The following VPS41 variants were observed in gnomAD, a reference collection of about 807,000 sequenced individuals.
VPS41 encodes VPS41 subunit of HOPS complex.
A neutral mutation model predicts 130.9 loss-of-function variants in VPS41; 85 were observed. That is an observed-to-expected ratio of 0.65 (90% confidence interval 0.55 to 0.78). The LOEUF is 0.78. Ranked by LOEUF, VPS41 falls within the 30% of genes least tolerant of loss-of-function variation. VPS41 has a pLI of 0.00. For missense variants in VPS41, 874 were observed against 1,018.7 expected (o/e 0.86, Z 1.93); for synonymous variants, 335 against 332.9 (o/e 1.01, Z -0.07).
intron 2 of VPS41, among the ~76,000 whole-genome samples, chr7:38,891,229 A>G (rs1340119314): frequency 1.3e-5 from 2 of 152,190 alleles, no homozygotes; most frequent in Non-Finnish European, 2.9e-5. Context: ...GACACCTATA[A>G]TATGTATAAA....
intron 14 of VPS41, among the ~76,000 whole-genome samples, chr7:38,768,814 T>C (rs1044084902): frequency 2.6e-5 from 4 of 152,148 alleles, no homozygotes; most frequent in African/African-American, 9.7e-5. Flanking sequence ...CTTCCTTTTA[T>C]ATCAACCTTT....
rs531252921 is a variant in VPS41, at chr7:38,743,069, G to A, written c.2122+333C>T. The stretch of plus-strand genomic sequence containing the variant: ...AAACTATAAACACTCCCATATACAA[G>A]CTAAAAACAAAAAAAAACCACACCA... On this transcript the variant is annotated intron_variant, in intron 24 of 28. Transcript: ENST00000310301. Among the ~76,000 whole-genome samples the A allele has an allele frequency of 1.1e-4, 5 of 46,316 alleles. No homozygotes were observed. The South Asian group carries it at 3.2e-3, about 30-fold the overall frequency. The allele number at this position is 46,316 out of a possible 152,430, so 30.4% of individuals were successfully genotyped here.
chr7:38,757,109 A>C, intron 18 of VPS41, 127 bp from the exon 19 acceptor site: 1 of 719,228 alleles, frequency 1.4e-6, no homozygotes, highest in Non-Finnish European at 2.2e-6. Flanking sequence ...ACTTTATTTC[A>C]AAAAATATTC....
At chr7:38,880,527 T>C (rs1026422871) in intron 2 of VPS41, among the ~76,000 whole-genome samples, 1 of 152,162 alleles carries the variant, frequency 6.6e-6, no homozygotes, top group Non-Finnish European at 1.5e-5. Context: ...TCACTGGTGA[T>C]GGAAATGATG....
chr7:38,867,154 A>G (rs1017455319), intron 3 of VPS41, among the ~76,000 whole-genome samples: 1 of 152,238 alleles, frequency 6.6e-6, no homozygotes, highest in Non-Finnish European at 1.5e-5. Flanking sequence ...ACTTGGAGGT[A>G]GCATTAGGTA....
chr7:38,832,185 C>T (rs1278522555), intron 4 of VPS41, among the ~76,000 whole-genome samples: 1 of 151,658 alleles, frequency 6.6e-6, no homozygotes, highest in Non-Finnish European at 1.5e-5. Flanking sequence ...TATAAGAGCT[C>T]TTTTCTATTT....
intron 4 of VPS41, among the ~76,000 whole-genome samples, chr7:38,846,380 A>G (rs1785723895): frequency 9.0e-6 from 1 of 110,596 alleles, no homozygotes; most frequent in Non-Finnish European, 1.7e-5. Context: ...TGAATACCAA[A>G]CACATACTCT....
At chr7:38,838,486 A>G (rs780009108) in intron 4 of VPS41, among the ~76,000 whole-genome samples, 1 of 152,244 alleles carries the variant, frequency 6.6e-6, no homozygotes, top group African/African-American at 2.4e-5. Flanking sequence ...AAATGGCCTC[A>G]GCTGTATTTT....
At chr7:38,813,319 T>G (rs972790051) in intron 7 of VPS41, among the ~76,000 whole-genome samples, 1 of 151,980 alleles carries the variant, frequency 6.6e-6, no homozygotes, top group Non-Finnish European at 1.5e-5. Context: ...GGAAAACTTA[T>G]AGAGAAAGAA....
intron 2 of VPS41, among the ~76,000 whole-genome samples, chr7:38,870,739 C>CAAAAAAAAAAAAAA (rs70977434): frequency 7.7e-4 from 23 of 29,724 alleles, no homozygotes; most frequent in East Asian, 2.1e-3. Context: ...ACTATATGTT[C>CAAAAAAAAAAAAAA]AAAAAAAAAA....
intron 4 of VPS41, among the ~76,000 whole-genome samples, chr7:38,832,671 G>A (rs977026542): frequency 2.0e-5 from 3 of 152,042 alleles, no homozygotes; most frequent in Admixed American, 6.6e-5. Flanking sequence ...GAGATCAAAT[G>A]ACCCCAATGT....
chr7:38,909,031 C>G, intron 1 of VPS41, 123 bp downstream of exon 1: 1 of 1,222,290 alleles, frequency 8.2e-7, no homozygotes. Flanking sequence ...CCCGCCCTGC[C>G]GCGGACCTGC....
chr7:38,734,252 T>A (rs1385345122), intron 25 of VPS41, among the ~76,000 whole-genome samples: 2 of 152,234 alleles, frequency 1.3e-5, no homozygotes, highest in Non-Finnish European at 2.9e-5. Flanking sequence ...TCCTATATTT[T>A]TCCAAGATTA....
At chr7:38,807,192 C>G (rs1454340256) in intron 7 of VPS41, among the ~76,000 whole-genome samples, 1 of 152,138 alleles carries the variant, frequency 6.6e-6, no homozygotes, top group Non-Finnish European at 1.5e-5. Flanking sequence ...TGCCTTAAAC[C>G]TCCCCAAAAT....
chr7:38,817,935 G>T, intron 6 of VPS41, 53 bp from the exon 7 acceptor site: 3 of 1,386,900 alleles, frequency 2.2e-6, no homozygotes, highest in Non-Finnish European at 3.1e-6. Flanking sequence ...CCAATGCACA[G>T]AATGAAAACC....
chr7:38,727,011 G>T, intron 27 of VPS41, 23 bp from the exon 28 acceptor site: 1 of 1,506,344 alleles, frequency 6.6e-7, no homozygotes, highest in South Asian at 1.3e-5. Context: ...GCAGAGAAAG[G>T]AGGAGAACTT....
chr7:38,741,811 A>C (rs999249077), intron 25 of VPS41, among the ~76,000 whole-genome samples, 174 bp downstream of exon 25: 1 of 152,266 alleles, frequency 6.6e-6, no homozygotes. Flanking sequence ...GCAATTTTAA[A>C]GGTGATGTTT....
At chr7:38,856,013 T>A (rs890574912) in intron 4 of VPS41, among the ~76,000 whole-genome samples, 2 of 152,152 alleles carry the variant, frequency 1.3e-5, no homozygotes. Flanking sequence ...GTTCTCTTCC[T>A]GGTTTGCAGA....
intron 7 of VPS41, among the ~76,000 whole-genome samples, chr7:38,800,937 T>C (rs537666784): frequency 2.0e-5 from 3 of 152,376 alleles, no homozygotes; most frequent in East Asian, 3.9e-4. Context: ...AAACTGTATA[T>C]ACTTTTCAAA....
Sources: allele counts gnomAD v4.1 joint callset (sites outside exome capture counted in the v4.1 genomes callset), GRCh38; gene constraint gnomAD v4.1.1; transcripts MANE v1.5; gene names NCBI Gene and HGNC (gene_info 2026-07-23, HGNC 2026-07-21).